Variants in ATP11A observed in about 807,000 individuals in gnomAD.
The protein encoded by ATP11A is phospholipid-transporting ATPase IH.
ATP11A carries 81 observed loss-of-function variants against 154.4 expected under a neutral mutation model. The ratio of observed to expected loss-of-function variants is 0.52; its 90% CI spans 0.44 to 0.63. The LOEUF is 0.63. Among genes scored for constraint, ATP11A ranks in the 30% least tolerant of loss-of-function variants. The probability of loss-of-function intolerance (pLI) is 0.00; values close to 1 mark genes in which losing one functional copy is unlikely to be tolerated. For missense variants in ATP11A, 1,316 were observed against 1,474.3 expected (o/e 0.89, Z 1.76); for synonymous variants, 623 against 585.9 (o/e 1.06, Z -0.91).
chr13:112,744,251 T>C lies in ATP11A; in HGVS notation c.40-40884T>C, dbSNP rs189116625. On this transcript the variant is annotated intron_variant, in intron 1 of 29. Transcript: ENST00000375645. ...TGTATGTTGATGTGTGTTGACGGAT[T>C]TCTCTGTCCTCCCGGCACCCGGCTT... Among the ~76,000 whole-genome samples the C allele has an allele frequency of 1.5e-3, 230 of 150,866 alleles. 1 individual carries two copies. The highest frequency in any genetic ancestry group is 5.4e-3 in the African/African-American group (220 of 41,004).
At chr13:112,732,374 G>GTC (rs567933073) in intron 1 of ATP11A, among the ~76,000 whole-genome samples, 1 of 152,092 alleles carries the variant, frequency 6.6e-6, no homozygotes, top group Admixed American at 6.6e-5. Context: ...GGGCCAGTGA[G>GTC]TCTCTCTCTC....
At chr13:112,868,976 C>T (rs1484001941) in intron 25 of ATP11A, among the ~76,000 whole-genome samples, 1 of 151,952 alleles carries the variant, frequency 6.6e-6, no homozygotes, top group Non-Finnish European at 1.5e-5. Flanking sequence ...TGAGAACTCA[C>T]TCGCCCACCG....
intron 16 of ATP11A, among the ~76,000 whole-genome samples, chr13:112,837,531 G>A (rs564282448): frequency 2.0e-5 from 3 of 152,172 alleles, no homozygotes; most frequent in Admixed American, 2.0e-4. Flanking sequence ...ATCCTGTGCC[G>A]TTCAGAGCCC....
intron 18 of ATP11A, among the ~76,000 whole-genome samples, chr13:112,853,555 C>G (rs2079837326): frequency 6.6e-6 from 1 of 152,190 alleles, no homozygotes; most frequent in African/African-American, 2.4e-5. Context: ...CCCAGATCTC[C>G]CAAGGAGAGG....
intron 8 of ATP11A, 54 bp downstream of exon 8, chr13:112,820,004 A>T: frequency 6.7e-7 from 1 of 1,494,022 alleles, no homozygotes; most frequent in Non-Finnish European, 9.0e-7. Context: ...TTGCGTTAGA[A>T]ATGCATTCTT....
chr13:112,879,607 C>T (rs1465690784), intron 29 of ATP11A, among the ~76,000 whole-genome samples: 2 of 152,232 alleles, frequency 1.3e-5, no homozygotes, highest in Non-Finnish European at 2.9e-5. Context: ...GGAGTTTCTC[C>T]TGCCCCCTGC....
chr13:112,793,422 T>C (rs112843951), intron 2 of ATP11A, among the ~76,000 whole-genome samples: 2,006 of 152,286 alleles, frequency 0.013, 37 homozygotes, highest in African/African-American at 0.044. Context: ...AGGCTGGTCT[T>C]GTACTCCTGA....
intron 1 of ATP11A, among the ~76,000 whole-genome samples, chr13:112,723,587 T>G (rs1199610749): frequency 6.6e-6 from 1 of 151,348 alleles, no homozygotes; most frequent in Non-Finnish European, 1.5e-5. Context: ...GTATTCTGTT[T>G]GTTTTATGAT....
intron 2 of ATP11A, among the ~76,000 whole-genome samples, chr13:112,795,137 C>T (rs760461946): frequency 7.3e-5 from 11 of 151,686 alleles, no homozygotes; most frequent in South Asian, 2.1e-4. Context: ...CCCAGCTACT[C>T]GGGAGGCTGA....
At chr13:112,717,791 A>G (rs1010130365) in intron 1 of ATP11A, 3 of 152,284 alleles carry the variant, frequency 2.0e-5, no homozygotes, top group East Asian at 3.8e-4. Context: ...AATGATTGCC[A>G]CGTGGCCAGG....
At chr13:112,740,673 C>T (rs450351) in intron 1 of ATP11A, among the ~76,000 whole-genome samples, 27,392 of 152,096 alleles carry the variant, frequency 0.18, 2,671 homozygotes, top group African/African-American at 0.25. Context: ...AGGCGTGCTG[C>T]CCAGGGAGCT....
At chr13:112,734,721 G>A (rs986870633) in intron 1 of ATP11A, among the ~76,000 whole-genome samples, 1 of 152,060 alleles carries the variant, frequency 6.6e-6, no homozygotes, top group Non-Finnish European at 1.5e-5. Context: ...TGTTTTTCTC[G>A]ACACCACAAA....
chr13:112,808,215 A>G (rs1431613913), intron 4 of ATP11A, among the ~76,000 whole-genome samples: 1 of 151,652 alleles, frequency 6.6e-6, no homozygotes, highest in Non-Finnish European at 1.5e-5. Context: ...GTCCCCTCCC[A>G]TCGGCCTGGC....
At position 112,767,489 on chromosome 13, in the gene ATP11A, G is replaced by A. The variant is rs1472913540; in HGVS notation, c.40-17646G>A. 1.4e-5 allele frequency among the ~76,000 whole-genome samples: 2 copies of A among 138,352 alleles called. 1 individual carries two copies. Among genetic ancestry groups the A allele is most frequent in the African/African-American group, 5.5e-5 (2 of 36,058 alleles). The allele number at this position is 138,352 out of a possible 152,430, so 90.8% of individuals were successfully genotyped here. The stretch of plus-strand genomic sequence containing the variant: ...GTGTGGGAGTGCTGGGAGCCCCCGT[G>A]GAAAGGTGGGGAGGATGTAGGGGTA... On this transcript the variant is annotated intron_variant, in intron 1 of 29. Coordinates refer to ENST00000375645, the MANE Select transcript of ATP11A (RefSeq NM_015205.3).
chr13:112,808,558 C>T (rs1161943111), intron 4 of ATP11A, among the ~76,000 whole-genome samples: 1 of 151,714 alleles, frequency 6.6e-6, no homozygotes, highest in Non-Finnish European at 1.5e-5. Context: ...GGGACTTTCC[C>T]AAATGGCCTC....
rs1208184755 is a variant in ATP11A at position 112,858,177 on chromosome 13, A to C, written c.2554A>C (p.Arg852=). 3 of 1,613,766 alleles carry C rather than the reference A, an allele frequency of 1.9e-6. No homozygotes were observed. The East Asian group carries it at 6.7e-5, about 36-fold the overall frequency. The part of the protein sequence containing the change: ...VIGKEGRQAA[R]NSDYAIPKFK... ...CGGCAAGGAAGGCCGCCAGGCTGCC[A>C]GGAACAGCGACTATGCAATCCCAAA... Residue 852 remains arginine (R), a synonymous_variant, in exon 22 of 30, where the codon AGG becomes CGG. Coordinates refer to ENST00000375645, the MANE Select transcript of ATP11A (RefSeq NM_015205.3).
At chr13:112,726,508 T>G (rs1180570872) in intron 1 of ATP11A, among the ~76,000 whole-genome samples, 1 of 152,184 alleles carries the variant, frequency 6.6e-6, no homozygotes, top group Non-Finnish European at 1.5e-5. Flanking sequence ...CCCGGCAGAT[T>G]CCCAGATCTG....
At chr13:112,735,698 G>A (rs1226662221) in intron 1 of ATP11A, among the ~76,000 whole-genome samples, 2 of 152,124 alleles carry the variant, frequency 1.3e-5, no homozygotes, top group Non-Finnish European at 2.9e-5. Context: ...ATCCTGCACC[G>A]TGCATCCTCA....
At chr13:112,726,248 C>G (rs561329019) in intron 1 of ATP11A, among the ~76,000 whole-genome samples, 1 of 147,068 alleles carries the variant, frequency 6.8e-6, no homozygotes, top group Non-Finnish European at 1.5e-5. Flanking sequence ...GGAGGAAGCA[C>G]GTGCGTGCAG....
Sources: allele counts gnomAD v4.1 joint callset (sites outside exome capture counted in the v4.1 genomes callset), GRCh38; gene constraint gnomAD v4.1.1; transcripts MANE v1.5; gene names NCBI Gene and HGNC (gene_info 2026-07-23, HGNC 2026-07-21).